Variants in CCDC125 observed in about 807,000 individuals in gnomAD.
CCDC125 encodes the protein coiled-coil domain containing 125.
CCDC125 carries 43 observed loss-of-function variants against 57.4 expected under a neutral mutation model. The ratio of observed to expected loss-of-function variants is 0.75; its 90% CI spans 0.59 to 0.97. The LOEUF is 0.97. Ranked by LOEUF, CCDC125 falls within the 50% of genes least tolerant of loss-of-function variation. The probability of loss-of-function intolerance (pLI) is 0.00; values close to 1 mark genes in which losing one functional copy is unlikely to be tolerated. For missense variants in CCDC125, 563 were observed against 595.7 expected (o/e 0.95, Z 0.57); for synonymous variants, 187 against 195.2 (o/e 0.96, Z 0.35).
chr5:69,273,419 C>T, the CCDC125 span, among the ~76,000 whole-genome samples: 1 of 152,142 alleles, frequency 6.6e-6, no homozygotes, highest in Non-Finnish European at 1.5e-5. Context: ...TGTAGCAATG[C>T]TGAAAGTAGT....
At chr5:69,330,454 C>T (rs1485559975) in intron 1 of CCDC125, among the ~76,000 whole-genome samples, 1 of 151,946 alleles carries the variant, frequency 6.6e-6, no homozygotes, top group Non-Finnish European at 1.5e-5. Flanking sequence ...ATTAGCTGGG[C>T]ACGGTGGTGT....
chr5:69,317,210 C>T (rs1452092379), intron 2 of CCDC125, among the ~76,000 whole-genome samples: 2 of 151,922 alleles, frequency 1.3e-5, no homozygotes, highest in African/African-American at 4.8e-5. Flanking sequence ...GGGGTTTCAC[C>T]ATCTTGGCCA....
chr5:69,276,849 GTA>G (rs1347622658), downstream of CCDC125: 3 of 733,878 alleles, frequency 4.1e-6, no homozygotes, highest in African/African-American at 5.3e-5. Context: ...GCCGTTTTAG[GTA>G]TGTTTACTTT....
At chr5:69,305,348 G>A (rs1757166579) in intron 6 of CCDC125, among the ~76,000 whole-genome samples, 1 of 151,986 alleles carries the variant, frequency 6.6e-6, no homozygotes, top group Non-Finnish European at 1.5e-5. Flanking sequence ...TGAGTAGCTG[G>A]GATACAGGTG....
At chr5:69,317,009 CTGTT>C (rs745382004) in intron 2 of CCDC125, among the ~76,000 whole-genome samples, 9 of 151,854 alleles carry the variant, frequency 5.9e-5, no homozygotes, top group Admixed American at 3.9e-4. Flanking sequence ...TTTCTTCATG[CTGTT>C]TGTTTGTTTG....
At chr5:69,293,663 C>A (rs1230588751) in intron 9 of CCDC125, among the ~76,000 whole-genome samples, 3 of 137,028 alleles carry the variant, frequency 2.2e-5, no homozygotes, top group East Asian at 2.2e-4. Flanking sequence ...AAAAAAAAAA[C>A]CCAAACACTT....
At chr5:69,322,331 G>T (rs1220959628) in intron 1 of CCDC125, among the ~76,000 whole-genome samples, 1 of 152,072 alleles carries the variant, frequency 6.6e-6, no homozygotes, top group Non-Finnish European at 1.5e-5. Context: ...TTTAGTAACT[G>T]AATAAAGGAA....
rs1757598309 is a variant in CCDC125, at chr5:69,307,966, G to C, written c.516C>G (p.Asn172Lys). 1 of 1,613,474 alleles carries C rather than the reference G, an allele frequency of 6.2e-7. No homozygotes were observed. Among genetic ancestry groups the C allele is most frequent in the African/African-American group, 1.3e-5 (1 of 75,026 alleles). The change falls in exon 5 of 12, where the codon AAC becomes AAG. Residue 172 changes from asparagine (N) to lysine (K), a missense_variant. Asn to Lys is a moderately conservative substitution (Grantham distance 94, BLOSUM62 0). Coordinates refer to ENST00000396496, the MANE Select transcript of CCDC125 (RefSeq NM_176816.5). ...QAVLQKTMEQ[N>K]RSLEKEINAL... ...CACCAAATACCTTCTCCAAGGATCT[G>C]TTTTGTTCCATAGTTTTTTGAAGCA...
In CCDC125 at chr5:69,313,965, A is replaced by G. The variant is rs553446767; in HGVS notation, c.366+20T>C. 1.9e-6 allele frequency: 3 copies of G among 1,566,082 alleles called. No individual in the cohort carries two copies. The highest frequency in any genetic ancestry group is 2.2e-5 in the South Asian group (2 of 90,054). ...GGACCCAGCTAAACTGATAATTTTTATATTAGCCAGAGTACCTACCTCTAA... is the reference window on the plus strand; with the variant it reads ...GGACCCAGCTAAACTGATAATTTTTGTATTAGCCAGAGTACCTACCTCTAA... On this transcript the variant is annotated intron_variant, in intron 3 of 11. Transcript: ENST00000396496.
chr5:69,308,252 C>T, intron 4 of CCDC125: 1 of 570,880 alleles, frequency 1.8e-6, no homozygotes, highest in Admixed American at 3.0e-5. Flanking sequence ...ATTTTCCACA[C>T]AAAGAAAGTG....
At chr5:69,276,443 A>G (rs1752148313), downstream of CCDC125, 8 of 1,015,970 alleles carry the variant, frequency 7.9e-6, no homozygotes, top group Admixed American at 4.6e-5. Flanking sequence ...GGGCATTCAC[A>G]TAGTATTTTT....
chr5:69,274,389 C>G, the CCDC125 span, among the ~76,000 whole-genome samples: 1 of 152,144 alleles, frequency 6.6e-6, no homozygotes, highest in African/African-American at 2.4e-5. Context: ...AATCCCAGCA[C>G]TTTGGGAGGT....
chr5:69,313,747 TTCAC>T, intron 3 of CCDC125: 1 of 779,882 alleles, frequency 1.3e-6, no homozygotes, highest in South Asian at 1.3e-5. Flanking sequence ...TCTTCTTGTC[TTCAC>T]TCAGGCGGAA....
Position 69,285,346 on chromosome 5 carries a change from G to C in CCDC125, c.1221C>G (p.Leu407=), listed in dbSNP as rs201403960. 1 of 1,609,188 alleles carries C rather than the reference G, an allele frequency of 6.2e-7. No homozygotes were observed. Among genetic ancestry groups the C allele is most frequent in the African/African-American group, 1.3e-5 (1 of 74,730 alleles). ...QDSPQEVLKM[L]IDLLNDKEEA... ...AAGCAAAGACACTAACCAAATCTAT[G>C]AGCATCTTAAGGACCTCTTGAGGAC... The change falls in exon 11 of 12, where the codon CTC becomes CTG. Residue 407 remains leucine, a synonymous_variant. Transcript: ENST00000396496.
chr5:69,319,520 C>T (rs1302157879), intron 2 of CCDC125, among the ~76,000 whole-genome samples: 13 of 142,018 alleles, frequency 9.2e-5, no homozygotes, highest in African/African-American at 1.8e-4. Flanking sequence ...CTTGCTCTGT[C>T]GCCCAGGCTG....
chr5:69,276,655 C>G (rs1561382952), downstream of CCDC125: 1 of 1,613,948 alleles, frequency 6.2e-7, no homozygotes, highest in Non-Finnish European at 8.5e-7. Flanking sequence ...CCAGCTTTGG[C>G]AATAAAAAGG....
chr5:69,317,257 C>T (rs1416621358), intron 2 of CCDC125, among the ~76,000 whole-genome samples: 2 of 152,164 alleles, frequency 1.3e-5, no homozygotes, highest in Admixed American at 1.3e-4. Context: ...GATCCACCCA[C>T]CCCAGTCTCC....
chr5:69,328,121 C>G (rs1220990692), intron 1 of CCDC125, among the ~76,000 whole-genome samples: 1 of 152,168 alleles, frequency 6.6e-6, no homozygotes, highest in African/African-American at 2.4e-5. Context: ...GTCTCAAACT[C>G]CTGACCTCAG....
rs191112088 is a variant in CCDC125 at position 69,320,585 on chromosome 5, A to T, written c.-40-5T>A. 40 of 1,365,522 alleles carry T rather than the reference A, an allele frequency of 2.9e-5. No homozygotes were observed. The East Asian group carries it at 7.6e-4, about 26-fold the overall frequency. The allele number at this position is 1,365,522 out of a possible 1,614,324, so 84.6% of individuals were successfully genotyped here. On this transcript the variant is annotated splice_region_variant and splice_polypyrimidine_tract_variant and intron_variant, in intron 1 of 11. Transcript: ENST00000396496. The stretch of plus-strand genomic sequence containing the variant: ...TCATAAGAAAAAATGGGCTGTCTGT[A>T]GTTAAGAAAAACAGTAGTTAGGAAA...
Sources: gnomAD v4.1 joint callset for allele counts (sites outside exome capture counted in the v4.1 genomes callset) on GRCh38, gnomAD v4.1.1 for gene constraint, MANE v1.5 for transcripts, NCBI Gene and HGNC (gene_info 2026-07-23, HGNC 2026-07-21) for gene names.